FSTL4: variants seen among roughly 807,000 people sequenced by gnomAD.
The protein encoded by FSTL4 is follistatin-related protein 4.
FSTL4 carries 28 observed loss-of-function variants against 78.2 expected under a neutral mutation model. The ratio of observed to expected loss-of-function variants is 0.36; its 90% CI spans 0.27 to 0.49. The LOEUF (loss-of-function observed/expected upper bound fraction) is 0.49. FSTL4 is among the 20% of genes least tolerant of loss of function. FSTL4 has a pLI of 0.98. For missense variants in FSTL4, 922 were observed against 1,084.9 expected, an observed-to-expected ratio of 0.85 and a Z score of 2.11; for synonymous variants, 422 against 440.5, an observed-to-expected ratio of 0.96 and a Z score of 0.53.
intron 3 of FSTL4, among the ~76,000 whole-genome samples, chr5:133,519,437 C>A (rs1293077005): frequency 6.6e-6 from 1 of 152,222 alleles, no homozygotes; most frequent in Non-Finnish European, 1.5e-5. Context: ...GAGCTGGCCT[C>A]AGGAAGCAGG....
intron 6 of FSTL4, among the ~76,000 whole-genome samples, chr5:133,309,532 G>T (rs1753729468): frequency 6.6e-6 from 1 of 152,146 alleles, no homozygotes; most frequent in Non-Finnish European, 1.5e-5. Flanking sequence ...CAGGAAGGGG[G>T]TACAGCCCCA....
chr5:133,822,407 T>C, the FSTL4 span, among the ~76,000 whole-genome samples: 3 of 152,258 alleles, frequency 2.0e-5, no homozygotes, highest in Non-Finnish European at 2.9e-5. Flanking sequence ...TTTCAGCTCA[T>C]TATTTGAAGA....
intron 3 of FSTL4, among the ~76,000 whole-genome samples, chr5:133,436,402 C>G (rs1757032747): frequency 6.6e-6 from 1 of 152,140 alleles, no homozygotes; most frequent in East Asian, 1.9e-4. Context: ...AGTGTGTTGT[C>G]AGTTAGTGGG....
rs1014115057 is a variant in FSTL4, at chr5:133,611,824, G to C, written c.-11+501C>G. Reference sequence around the variant, plus strand: ...GCAAGTTTCCCCGCAAAGCCGCGGGGAGGAGGTGCTGAGAATGCCTGCCCG... The same window carrying C: ...GCAAGTTTCCCCGCAAAGCCGCGGGCAGGAGGTGCTGAGAATGCCTGCCCG... On this transcript the variant is annotated intron_variant, in intron 1 of 15. Transcript: ENST00000265342. This position sits in a 1 kb window ranked among gnomAD's most constrained non-coding sequence, Gnocchi z 4.9. 1.3e-5 allele frequency among the ~76,000 whole-genome samples: 2 copies of C among 152,174 alleles called. No homozygotes were observed. Among genetic ancestry groups the C allele is most frequent in the African/African-American group, 4.8e-5 (2 of 41,470 alleles).
intron 4 of FSTL4, among the ~76,000 whole-genome samples, chr5:133,323,579 C>T (rs1311560550): frequency 6.6e-6 from 1 of 152,236 alleles, no homozygotes; most frequent in Admixed American, 6.5e-5. Context: ...GGCTGCATGT[C>T]CTGGTAAGCC....
intron 13 of FSTL4, among the ~76,000 whole-genome samples, chr5:133,216,706 C>T (rs1031188411): frequency 2.6e-5 from 4 of 152,220 alleles, no homozygotes; most frequent in Non-Finnish European, 4.4e-5. Flanking sequence ...CAGATTGGAT[C>T]AATCCCCTGA....
intron 6 of FSTL4, among the ~76,000 whole-genome samples, chr5:133,310,993 G>A (rs1452776863): frequency 6.6e-6 from 1 of 152,260 alleles, no homozygotes; most frequent in African/African-American, 2.4e-5. Flanking sequence ...GTGACATGCA[G>A]GTCAATGTAT....
chr5:133,353,458 C>A (rs1429954801), intron 4 of FSTL4, among the ~76,000 whole-genome samples: 1 of 152,300 alleles, frequency 6.6e-6, no homozygotes, highest in Admixed American at 6.5e-5. Context: ...TTCCACACCC[C>A]CAAAAGAGGC....
intron 3 of FSTL4, among the ~76,000 whole-genome samples, chr5:133,490,436 C>T (rs1295569014): frequency 1.3e-5 from 2 of 148,870 alleles, no homozygotes; most frequent in Non-Finnish European, 3.0e-5. Flanking sequence ...TCTTTATTTT[C>T]TATTAAGGCA....
the FSTL4 span, among the ~76,000 whole-genome samples, chr5:133,789,780 C>T: frequency 1.3e-5 from 2 of 152,204 alleles, no homozygotes; most frequent in Non-Finnish European, 2.9e-5. Context: ...TCACTGTCCT[C>T]ATATGTTGGG....
At chr5:133,733,993 G>T in the FSTL4 span, among the ~76,000 whole-genome samples, 4 of 152,320 alleles carry the variant, frequency 2.6e-5, no homozygotes, top group South Asian at 8.3e-4. Flanking sequence ...ATGGCAACTG[G>T]GTTCCTCAAC....
At chr5:133,597,363 C>T (rs915028463) in intron 2 of FSTL4, among the ~76,000 whole-genome samples, 1 of 152,140 alleles carries the variant, frequency 6.6e-6, no homozygotes, top group Non-Finnish European at 1.5e-5. Flanking sequence ...ATGATTGGGA[C>T]TTGGCAGATC....
the FSTL4 span, among the ~76,000 whole-genome samples, chr5:133,745,879 C>T: frequency 9.9e-5 from 15 of 152,240 alleles, no homozygotes; most frequent in Admixed American, 9.8e-4. Context: ...GCTTTTGCGT[C>T]CCCCTCACGT....
intron 3 of FSTL4, among the ~76,000 whole-genome samples, chr5:133,553,520 T>C (rs1028690183): frequency 6.6e-6 from 1 of 152,198 alleles, no homozygotes; most frequent in African/African-American, 2.4e-5. Flanking sequence ...ACCAACTTAC[T>C]GAAACGCCCA....
intron 3 of FSTL4, among the ~76,000 whole-genome samples, chr5:133,476,358 G>A (rs1489822567): frequency 6.6e-6 from 1 of 152,186 alleles, no homozygotes; most frequent in African/African-American, 2.4e-5. Flanking sequence ...CCACATTGCA[G>A]TTTGGTTTTC....
intron 4 of FSTL4, among the ~76,000 whole-genome samples, chr5:133,347,753 C>T (rs935543211): frequency 6.6e-6 from 1 of 152,168 alleles, no homozygotes; most frequent in South Asian, 2.1e-4. Flanking sequence ...TTAATAAAAA[C>T]AAAAACAAAC....
At chr5:133,591,994 C>T (rs938628238) in intron 2 of FSTL4, among the ~76,000 whole-genome samples, 2 of 152,162 alleles carry the variant, frequency 1.3e-5, no homozygotes, top group African/African-American at 4.8e-5. Context: ...GACCCAGATA[C>T]CCACCTTAAC....
At chr5:133,801,614 C>T in the FSTL4 span, among the ~76,000 whole-genome samples, 12 of 152,258 alleles carry the variant, frequency 7.9e-5, no homozygotes, top group African/African-American at 2.9e-4. Context: ...CTGCAGTGAG[C>T]ATAACCACAG....
intron 2 of FSTL4, among the ~76,000 whole-genome samples, chr5:133,577,560 C>T (rs27987): frequency 0.077 from 11,776 of 152,266 alleles, 524 homozygotes; most frequent in Non-Finnish European, 0.097. Flanking sequence ...ACCTTTCAGC[C>T]AGCCCTGCCT....
Sources: allele counts gnomAD v4.1 joint callset (sites outside exome capture counted in the v4.1 genomes callset), GRCh38; gene constraint gnomAD v4.1.1; non-coding constraint Gnocchi (gnomAD v3.1); transcripts MANE v1.5; gene names NCBI Gene and HGNC (gene_info 2026-07-23, HGNC 2026-07-21).